The following SYN2 variants were observed in gnomAD, a reference collection of about 807,000 sequenced individuals.
SYN2 encodes the protein synapsin II.
In SYN2, 19 loss-of-function variants were observed where a neutral mutation model predicts 50.9. That is an observed-to-expected ratio of 0.37 (90% CI 0.26 to 0.55). SYN2 has a LOEUF of 0.55. Among genes scored for constraint, SYN2 ranks in the 20% least tolerant of loss-of-function variants. The pLI is 0.81. For missense variants in SYN2, 587 were observed against 576.4 expected (o/e 1.02, Z -0.19); for synonymous variants, 255 against 224.9 (o/e 1.13, Z -1.20).
chr3:12,035,648 G>A (rs535482865), intron 1 of SYN2, among the ~76,000 whole-genome samples: 237 of 152,316 alleles, frequency 1.6e-3, no homozygotes, highest in Non-Finnish European at 3.0e-3. Context: ...CATCTCAAGA[G>A]TGGGGGCCTG....
intron 11 of SYN2, among the ~76,000 whole-genome samples, chr3:12,186,133 G>A (rs922293909): frequency 5.3e-5 from 8 of 150,158 alleles, no homozygotes; most frequent in Non-Finnish European, 1.0e-4. Context: ...AGATGTTCTG[G>A]TGTTTCTTAA....
At chr3:12,146,799 C>T (rs1251979813) in intron 4 of SYN2, among the ~76,000 whole-genome samples, 2 of 152,136 alleles carry the variant, frequency 1.3e-5, no homozygotes, top group East Asian at 1.9e-4. Flanking sequence ...GGCTTCCCCT[C>T]CGACCACTGA....
At chr3:12,118,989 C>T (rs559331576) in intron 1 of SYN2, among the ~76,000 whole-genome samples, 4 of 152,214 alleles carry the variant, frequency 2.6e-5, no homozygotes, top group East Asian at 3.9e-4. Flanking sequence ...AAATTGGGCA[C>T]GTGTTTCCCC....
Position 12,166,474 on chromosome 3 carries a change from A to G in SYN2, c.981-760A>G, listed in dbSNP as rs151309385. Reference sequence around the variant, plus strand: ...GCCCATCAAGAGCAAATCCAGAACCAGAAACCAAGTAATCCACCTCCTATT... The same window carrying G: ...GCCCATCAAGAGCAAATCCAGAACCGGAAACCAAGTAATCCACCTCCTATT... On this transcript the variant is annotated intron_variant, in intron 7 of 12. Transcript: ENST00000621198. 5.9e-3 allele frequency among the ~76,000 whole-genome samples: 904 copies of G among 152,366 alleles called. 9 individuals carry two copies. Among genetic ancestry groups the G allele is most frequent in the African/African-American group, 0.02 (837 of 41,588 alleles).
intron 5 of SYN2, among the ~76,000 whole-genome samples, chr3:12,157,814 C>A (rs1247159706): frequency 6.6e-6 from 1 of 152,134 alleles, no homozygotes; most frequent in Non-Finnish European, 1.5e-5. Context: ...GGAGGAGGAG[C>A]CCCTTCAGGG....
intron 1 of SYN2, among the ~76,000 whole-genome samples, chr3:12,044,368 A>G (rs1286188934): frequency 6.6e-6 from 1 of 152,212 alleles, no homozygotes; most frequent in African/African-American, 2.4e-5. Flanking sequence ...TTCATGAGTA[A>G]TCAGGATATT....
At chr3:12,048,580 G>T (rs1354586186) in intron 1 of SYN2, among the ~76,000 whole-genome samples, 1 of 152,234 alleles carries the variant, frequency 6.6e-6, no homozygotes, top group Non-Finnish European at 1.5e-5. Context: ...AGATGATGAT[G>T]ATAGCTAACA....
chr3:12,151,569 A>G (rs1697293135), intron 5 of SYN2, among the ~76,000 whole-genome samples: 1 of 152,222 alleles, frequency 6.6e-6, no homozygotes, highest in Non-Finnish European at 1.5e-5. Flanking sequence ...AGAGAATAAC[A>G]AACTTCTGGA....
intron 1 of SYN2, among the ~76,000 whole-genome samples, chr3:12,116,782 A>G (rs1450875450): frequency 6.6e-6 from 1 of 152,072 alleles, no homozygotes. Context: ...CAGGGTCTCC[A>G]TTCTCTTGCC....
intron 1 of SYN2, chr3:12,070,830 C>T: frequency 3.3e-6 from 2 of 597,474 alleles, no homozygotes; most frequent in South Asian, 1.4e-5. Flanking sequence ...AGCACAGCTA[C>T]AGCTTCAACA....
chr3:12,058,249 C>A (rs889076447), intron 1 of SYN2, among the ~76,000 whole-genome samples: 4 of 151,980 alleles, frequency 2.6e-5, no homozygotes, highest in Admixed American at 1.3e-4. Context: ...GTTTTCTTTC[C>A]CACAAATTAA....
chr3:12,183,530 G>A, intron 11 of SYN2, 158 bp downstream of exon 11: 7 of 1,549,746 alleles, frequency 4.5e-6, no homozygotes, highest in Non-Finnish European at 6.1e-6. Context: ...CCCTCCCACT[G>A]GTGCCGTTGC....
chr3:12,180,081 T>C (rs929024417), intron 10 of SYN2, among the ~76,000 whole-genome samples: 1 of 152,166 alleles, frequency 6.6e-6, no homozygotes, highest in Non-Finnish European at 1.5e-5. Context: ...TCTGGGTAGC[T>C]GGGACTATAA....
intron 4 of SYN2, 129 bp downstream of exon 4, chr3:12,145,964 A>G (rs1018572870): frequency 2.3e-6 from 3 of 1,307,422 alleles, no homozygotes; most frequent in Non-Finnish European, 3.2e-6. Flanking sequence ...CCAGGCCCCT[A>G]GGAGGGTCCT....
At chr3:12,108,305 G>A (rs1465835566) in intron 1 of SYN2, among the ~76,000 whole-genome samples, 1 of 152,240 alleles carries the variant, frequency 6.6e-6, no homozygotes, top group Admixed American at 6.5e-5. Context: ...TGAGGCCCTT[G>A]GGGATTGAAG....
Position 12,004,597 on chromosome 3 carries a change from G to C in SYN2, c.46G>C (p.Ala16Pro). The C allele has an allele frequency of 1.5e-6, 1 of 663,644 alleles. No homozygotes were observed. The highest frequency in any genetic ancestry group is 2.8e-6 in the Non-Finnish European group (1 of 356,658). The allele number at this position is 663,644 out of a possible 1,614,324, so 41.1% of individuals were successfully genotyped here. ...CCGGCTGTCGGACAGCAGCTTCATC[G>C]CCAACCTGCCCAACGGCTACATGAC... is the stretch of plus-strand genomic sequence containing the variant. ...RRRLSDSSFI[A>P]NLPNGYMTDL... is the part of the protein sequence containing the mutation. Residue 16 changes from alanine (A) to proline (P), a missense_variant, in exon 1 of 13, where the codon GCC becomes CCC. Transcript: ENST00000621198.
At chr3:12,051,806 A>G (rs1465106261) in intron 1 of SYN2, among the ~76,000 whole-genome samples, 1 of 152,212 alleles carries the variant, frequency 6.6e-6, no homozygotes, top group African/African-American at 2.4e-5. Context: ...ATCTGCTTCA[A>G]GGCCTTGTGT....
chr3:12,152,667 T>TA (rs1050931093), intron 5 of SYN2, among the ~76,000 whole-genome samples: 5 of 152,170 alleles, frequency 3.3e-5, no homozygotes, highest in African/African-American at 4.8e-5. Context: ...CTCTGTGGTG[T>TA]AAAAAGCCAA....
intron 4 of SYN2, 84 bp downstream of exon 4, chr3:12,145,919 A>G: frequency 6.4e-7 from 1 of 1,568,858 alleles, no homozygotes; most frequent in South Asian, 1.2e-5. Context: ...CTCAAGATGC[A>G]GTAGGCCCCA....
Sources: allele counts gnomAD v4.1 joint callset (sites outside exome capture counted in the v4.1 genomes callset), GRCh38; gene constraint gnomAD v4.1.1; transcripts MANE v1.5; gene names NCBI Gene and HGNC (gene_info 2026-07-23, HGNC 2026-07-21).